The following CCDC142 variants were observed in gnomAD, a reference collection of about 807,000 sequenced individuals.
CCDC142 encodes the protein coiled-coil domain-containing protein 142.
CCDC142 carries 67 observed loss-of-function variants against 83.8 expected under a neutral mutation model. The ratio of observed to expected loss-of-function variants is 0.80; its 90% confidence interval spans 0.66 to 0.98. The LOEUF (loss-of-function observed/expected upper bound fraction) is 0.98. CCDC142 is among the 50% of genes least tolerant of loss of function. The pLI, the probability that CCDC142 is intolerant of heterozygous loss-of-function variation, is 0.00. For synonymous variants in CCDC142, 421 were observed against 421.2 expected, an observed-to-expected ratio of 1.00 and a Z score of 0.01; for missense variants, 905 against 946.8, an observed-to-expected ratio of 0.96 and a Z score of 0.58.
In CCDC142 at chr2:74,482,143, G is replaced by T. The variant is rs376698702; in HGVS notation, c.695C>A (p.Thr232Lys). The T allele has an allele frequency of 6.8e-6, 11 of 1,613,746 alleles. No individual in the cohort carries two copies. In the East Asian group the frequency reaches 1.6e-4, roughly 23 times the overall value. The change falls in exon 1 of 9, where the codon ACG (threonine) becomes AAG (lysine). Residue 232 changes from threonine (T) to lysine (K), a missense_variant. This residue lies in a region of CCDC142 where 591 missense variants were observed against 571.4 expected (regional missense o/e 1.03). Coordinates refer to ENST00000393965, the MANE Select transcript of CCDC142 (RefSeq NM_001365575.2). This position sits in a 1 kb window ranked among gnomAD's most constrained non-coding sequence, Gnocchi z 5.0. ...HVPGAARPFP[T>K]SRVLRLLTGE... is the part of the protein sequence containing the mutation. ...CGTCAAGAGGCGGAGCACACGGGAC[G>T]TGGGGAAAGGACGTGCGGCCCCTGG...
chr2:74,480,638 C>CA, intron 5 of CCDC142, 131 bp downstream of exon 5: 1 of 559,174 alleles, frequency 1.8e-6, no homozygotes, highest in Non-Finnish European at 3.1e-6. Context: ...ATGAACAGAG[C>CA]AAAAAAAGAT....
intron 5 of CCDC142, among the ~76,000 whole-genome samples, chr2:74,480,228 A>G (rs1322486274): frequency 6.6e-6 from 1 of 152,218 alleles, no homozygotes. Context: ...ATGCTTGGTG[A>G]CAGACATATG....
intron 5 of CCDC142, among the ~76,000 whole-genome samples, chr2:74,475,971 A>C (rs1192365004): frequency 6.6e-6 from 1 of 151,478 alleles, no homozygotes; most frequent in Admixed American, 6.6e-5. Flanking sequence ...AAAAGATGGA[A>C]AATCCTTGAG....
rs1672250495 is a variant in CCDC142 at position 74,473,909 on chromosome 2, A to G, written c.*637T>C. ...TGCCTCAGCCTCCTGAGTAGCTGGGATTACAGGCATGCGCCACCACACCTG... is the reference window on the plus strand; with the variant it reads ...TGCCTCAGCCTCCTGAGTAGCTGGGGTTACAGGCATGCGCCACCACACCTG... On this transcript the variant is annotated 3_prime_UTR_variant, in exon 9 of 9. Transcript: ENST00000393965. 6.7e-6 allele frequency: 1 copy of G among 150,016 alleles called. No homozygotes were observed. The highest frequency in any genetic ancestry group is 1.5e-5 in the Non-Finnish European group (1 of 67,966). The allele number at this position is 150,016 out of a possible 1,614,324, so 9.3% of individuals were successfully genotyped here. A position where few individuals can be genotyped will look rare whatever the true frequency, so the allele number is the denominator to read the frequency against.
In CCDC142 at chr2:74,482,864, A is replaced by C. The variant is rs1265247640; in HGVS notation, c.-27T>G. On this transcript the variant is annotated 5_prime_UTR_variant, in exon 1 of 9. Transcript: ENST00000393965. The surrounding 1 kb of genome is among the most constrained non-coding windows in gnomAD (Gnocchi z 5.0). The stretch of plus-strand genomic sequence containing the variant: ...GGGCGGCGGGTCCAGAACGAACCTA[A>C]CGATTCCCACTTCCCTGCACGGACC... 5.0e-6 allele frequency: 8 copies of C among 1,586,440 alleles called. No homozygotes were observed. Among genetic ancestry groups the C allele is most frequent in the Non-Finnish European group, 5.1e-6 (6 of 1,172,712 alleles).
chr2:74,482,623 G>T lies in CCDC142; in HGVS notation c.215C>A (p.Ala72Glu), dbSNP rs752756542. The change falls in exon 1 of 9, where the codon GCG becomes GAG. Residue 72 changes from alanine (A) to glutamate (E), a missense_variant. This residue lies in a region of CCDC142 where 591 missense variants were observed against 571.4 expected (regional missense o/e 1.03). Transcript: ENST00000393965. The surrounding 1 kb of genome is among the most constrained non-coding windows in gnomAD (Gnocchi z 5.0). The stretch of plus-strand genomic sequence containing the variant: ...ACCTGCGGGCCCCCGCCTCCAGGCC[G>T]CAGCATCAGCCTCGTAGTCCTCGCT... ...DVSEDYEADA[A>E]AWRRGPAGGG... The T allele has an allele frequency of 6.2e-7, 1 of 1,610,030 alleles. No individual in the cohort carries two copies. Among genetic ancestry groups the T allele is most frequent in the Non-Finnish European group, 8.5e-7 (1 of 1,178,474 alleles).
Position 74,482,308 on chromosome 2 carries a change from C to A in CCDC142, c.530G>T (p.Cys177Phe), listed in dbSNP as rs1373295717. 1 of 1,610,860 alleles carries A rather than the reference C, an allele frequency of 6.2e-7. No homozygotes were observed. Among genetic ancestry groups the A allele is most frequent in the Admixed American group, 1.7e-5 (1 of 59,464 alleles). ...CTGCATCTCGATGACAGCCTCCAGG[C>A]ACTGGGCGGCTAGTCCGATGGGGCG... is the stretch of plus-strand genomic sequence containing the variant. ...LARPIGLAAQ[C>F]LEAVIEMQLR... is the part of the protein sequence containing the mutation. The change falls in exon 1 of 9, where the codon TGC becomes TTC. Residue 177 changes from cysteine (C) to phenylalanine (F), a missense_variant. Transcript: ENST00000393965. This position sits in a 1 kb window ranked among gnomAD's most constrained non-coding sequence, Gnocchi z 5.0.
At chr2:74,480,643 A>G in intron 5 of CCDC142, 126 bp downstream of exon 5, 1 of 634,286 alleles carries the variant, frequency 1.6e-6, no homozygotes, top group Non-Finnish European at 2.7e-6. Context: ...CAGAGCAAAA[A>G]AAGATACATT....
In CCDC142 at chr2:74,482,523, G is replaced by A. The variant is rs780852111; in HGVS notation, c.315C>T (p.Leu105=). The A allele has an allele frequency of 1.3e-6, 2 of 1,579,500 alleles. No individual in the cohort carries two copies. The highest frequency in any genetic ancestry group is 1.7e-6 in the Non-Finnish European group (2 of 1,162,604). The part of the protein sequence containing the change: ...LLRLHREREQ[L]LQARDCAYHL... The stretch of plus-strand genomic sequence containing the variant: ...GGTAGGCGCAGTCTCGGGCCTGGAG[G>A]AGCTGCTCCCGCTCGCGATGCAGCC... Residue 105 remains leucine, a synonymous_variant, in exon 1 of 9, where the codon CTC becomes CTT. Transcript: ENST00000393965. The surrounding 1 kb of genome is among the most constrained non-coding windows in gnomAD (Gnocchi z 5.0).
rs567107480 is a variant in CCDC142 at position 74,481,211 on chromosome 2, C to T, written c.1258+12G>A. 1.2e-6 allele frequency: 2 copies of T among 1,613,874 alleles called. No homozygotes were observed. Among genetic ancestry groups the T allele is most frequent in the South Asian group, 1.1e-5 (1 of 91,062 alleles). ...ACTGCTCTGTGTCCCCAGCCCCAGCCCCTCGTCTCACCTGCAGGCTGGCAG... is the reference window on the plus strand; with the variant it reads ...ACTGCTCTGTGTCCCCAGCCCCAGCTCCTCGTCTCACCTGCAGGCTGGCAG... On this transcript the variant is annotated intron_variant, in intron 3 of 8. Transcript: ENST00000393965.
At chr2:74,480,443 T>A (rs1672415240) in intron 5 of CCDC142, among the ~76,000 whole-genome samples, 1 of 151,964 alleles carries the variant, frequency 6.6e-6, no homozygotes, top group African/African-American at 2.4e-5. Context: ...ATTCAAAAGT[T>A]AGACACGTGT....
chr2:74,474,617 G>C lies in CCDC142; in HGVS notation c.2182C>G (p.Leu728Val). 1 of 1,614,218 alleles carries C rather than the reference G, an allele frequency of 6.2e-7. No individual in the cohort carries two copies. The highest frequency in any genetic ancestry group is 1.3e-5 in the African/African-American group (1 of 75,056). ...CAACGGGGTCGCTGGTGTTGCCTGA[G>C]GGCAAGCCAGGCCTGCTGATTTCCC... is the stretch of plus-strand genomic sequence containing the variant. ...LVGNQQAWLA[L>V]RQHQRPRWHL... The change falls in exon 9 of 9, where the codon CTC becomes GTC. Residue 728 changes from leucine to valine, a missense_variant. Physicochemically the swap from Leu to Val is conservative, Grantham distance 32. This residue lies in a region of CCDC142 where 265 missense variants were observed against 288.9 expected (regional missense o/e 0.92). Coordinates refer to ENST00000393965, the MANE Select transcript of CCDC142 (RefSeq NM_001365575.2).
chr2:74,475,784 C>CT, intron 5 of CCDC142, 58 bp from the exon 6 acceptor site: 1 of 1,035,038 alleles, frequency 9.7e-7, no homozygotes, highest in Non-Finnish European at 1.5e-6. Flanking sequence ...TCCTCTATAT[C>CT]TAAGGAGCTC....
Position 74,482,504 on chromosome 2 carries a change from C to T in CCDC142, c.334G>A (p.Ala112Thr), listed in dbSNP as rs1453706242. Residue 112 changes from alanine (A) to threonine (T), a missense_variant, in exon 1 of 9, where the codon GCC (alanine) becomes ACC (threonine). Ala to Thr is a moderately conservative substitution (Grantham distance 58). Coordinates refer to ENST00000393965, the MANE Select transcript of CCDC142 (RefSeq NM_001365575.2). This position sits in a 1 kb window ranked among gnomAD's most constrained non-coding sequence, Gnocchi z 5.0. ...CGCACAGCCGACTGTAGGTGGTAGG[C>T]GCAGTCTCGGGCCTGGAGGAGCTGC... ...REQLLQARDC[A>T]YHLQSAVRLM... 3 of 1,563,172 alleles carry T rather than the reference C, an allele frequency of 1.9e-6. No individual in the cohort carries two copies. The highest frequency in any genetic ancestry group is 1.9e-5 in the Admixed American group (1 of 52,246).
intron 5 of CCDC142, among the ~76,000 whole-genome samples, chr2:74,477,484 CA>C (rs1477693067): frequency 6.6e-6 from 1 of 152,088 alleles, no homozygotes; most frequent in East Asian, 1.9e-4. Context: ...AATTTGATGC[CA>C]AATTGCTTAC....
At position 74,482,577 on chromosome 2, in the gene CCDC142, C is replaced by T. The variant is rs1170311634; in HGVS notation, c.261G>A (p.Ala87=). Reference sequence around the variant, plus strand: ...GCAACACCGCCCGGAGACGCTGCAGCGCGGGAGGGATCGGGCCGCCACCTG... The same window carrying T: ...GCAACACCGCCCGGAGACGCTGCAGTGCGGGAGGGATCGGGCCGCCACCTG... The part of the protein sequence containing the change: ...GPAGGGPIPP[A]LQRLRAVLLR... Residue 87 remains alanine (A), a synonymous_variant, in exon 1 of 9, where the codon GCG becomes GCA. Transcript: ENST00000393965. The surrounding 1 kb of genome is among the most constrained non-coding windows in gnomAD (Gnocchi z 5.0). 1 of 1,604,296 alleles carries T rather than the reference C, an allele frequency of 6.2e-7. No individual in the cohort carries two copies. The highest frequency in any genetic ancestry group is 8.5e-7 in the Non-Finnish European group (1 of 1,175,330).
At position 74,475,222 on chromosome 2, in the gene CCDC142, G is replaced by A. The variant is rs761349490; in HGVS notation, c.1796+3C>T. 6.2e-7 allele frequency: 1 copy of A among 1,614,120 alleles called. No homozygotes were observed. Among genetic ancestry groups the A allele is most frequent in the Admixed American group, 1.7e-5 (1 of 60,016 alleles). ...CCCTGCCACTTCCACCTTTACTCCTGACCTGAACCGAATCCCATGGGTAAG... is the reference window on the plus strand; with the variant it reads ...CCCTGCCACTTCCACCTTTACTCCTAACCTGAACCGAATCCCATGGGTAAG... On this transcript the variant is annotated splice_donor_region_variant and intron_variant, in intron 7 of 8. Transcript: ENST00000393965.
At chr2:74,481,124 C>A (rs539965559) in intron 3 of CCDC142, 38 bp from the exon 4 acceptor site, 1 of 1,608,630 alleles carries the variant, frequency 6.2e-7, no homozygotes, top group South Asian at 1.1e-5. Flanking sequence ...TCTTAGGGGT[C>A]ATGGAGTACC....
In CCDC142 at chr2:74,475,406, G is replaced by A. The variant is rs776003944; in HGVS notation, c.1619-4C>T. On this transcript the variant is annotated splice_polypyrimidine_tract_variant and splice_region_variant and intron_variant, in intron 6 of 8. Transcript: ENST00000393965. Reference sequence around the variant, plus strand: ...TCACTAGGAGCACTGGGAGGTTCTGGAATAGAGAAGACAGAATATAAGGCT... The same window carrying A: ...TCACTAGGAGCACTGGGAGGTTCTGAAATAGAGAAGACAGAATATAAGGCT... The A allele has an allele frequency of 1.3e-6, 2 of 1,567,968 alleles. No homozygotes were observed. The highest frequency in any genetic ancestry group is 1.2e-5 in the South Asian group (1 of 83,410).
Sources: allele counts gnomAD v4.1 joint callset (sites outside exome capture counted in the v4.1 genomes callset), GRCh38; gene constraint gnomAD v4.1.1; regional missense constraint gnomAD v4.1.1; non-coding constraint Gnocchi (gnomAD v3.1); transcripts MANE v1.5; gene names NCBI Gene and HGNC (gene_info 2026-07-23, HGNC 2026-07-21).